Variants in ASAP1 observed in about 807,000 individuals in gnomAD.
ASAP1 encodes arf-GAP with SH3 domain, ANK repeat and PH domain-containing protein 1.
Under a neutral mutation model 145.2 loss-of-function variants are expected in ASAP1, and 43 were observed. That is an observed-to-expected ratio of 0.30 (90% CI 0.23 to 0.38). The LOEUF (loss-of-function observed/expected upper bound fraction) is 0.38. Among genes scored for constraint, ASAP1 ranks in the 10% least tolerant of loss-of-function variants. The probability of loss-of-function intolerance (pLI) is 1.00; values close to 1 mark genes in which losing one functional copy is unlikely to be tolerated. For synonymous variants in ASAP1, 546 were observed against 515.5 expected, an observed-to-expected ratio of 1.06 and a Z score of -0.80; for missense variants, 1,018 against 1,355.3, an observed-to-expected ratio of 0.75 and a Z score of 3.91.
chr8:130,154,920 T>C (rs2097655019), intron 12 of ASAP1, among the ~76,000 whole-genome samples: 1 of 152,170 alleles, frequency 6.6e-6, no homozygotes, highest in Non-Finnish European at 1.5e-5. Flanking sequence ...TGATTAGAGG[T>C]GGCATCTCTC....
intron 3 of ASAP1, among the ~76,000 whole-genome samples, chr8:130,286,916 A>G (rs1040447052): frequency 6.6e-6 from 1 of 152,200 alleles, no homozygotes; most frequent in East Asian, 1.9e-4. Flanking sequence ...TGCTAATGGT[A>G]TAAGGAAACA....
At position 130,197,575 on chromosome 8, in the gene ASAP1, CTT is replaced by C. The variant is rs1487110396; in HGVS notation, c.406-9394_406-9393del. Among the ~76,000 whole-genome samples, 3 of 152,340 alleles carry C rather than the reference CTT, an allele frequency of 2.0e-5. No homozygotes were observed. The East Asian group carries it at 5.8e-4, about 29-fold the overall frequency. On this transcript the variant is annotated intron_variant, in intron 5 of 29. Coordinates refer to ENST00000518721, the MANE Select transcript of ASAP1 (RefSeq NM_018482.4). ...AACCCTACAAGGTATTACTAAATAA[CTT>C]GGCCAAACACACGCAGTTAGCTGAG...
At chr8:130,271,175 G>T (rs545391650) in intron 3 of ASAP1, among the ~76,000 whole-genome samples, 2 of 152,294 alleles carry the variant, frequency 1.3e-5, no homozygotes, top group African/African-American at 4.8e-5. Flanking sequence ...CAGCAGAGGG[G>T]CTGCTCGCTC....
chr8:130,352,712 G>T (rs1426902824), intron 3 of ASAP1, among the ~76,000 whole-genome samples: 2 of 152,164 alleles, frequency 1.3e-5, no homozygotes, highest in Non-Finnish European at 2.9e-5. Flanking sequence ...ATAAAATGGA[G>T]CCATTGATGA....
At chr8:130,189,688 G>T (rs1815002104) in intron 5 of ASAP1, among the ~76,000 whole-genome samples, 1 of 152,128 alleles carries the variant, frequency 6.6e-6, no homozygotes, top group Non-Finnish European at 1.5e-5. Context: ...GGGATTCCTG[G>T]ATCTTATGGT....
In ASAP1 at chr8:130,128,462, A is replaced by G. The variant is rs550290662; in HGVS notation, c.1218-372T>C. Among the ~76,000 whole-genome samples, 7 of 152,314 alleles carry G rather than the reference A, an allele frequency of 4.6e-5. No homozygotes were observed. In the South Asian group the frequency reaches 1.4e-3, roughly 32 times the overall value. On this transcript the variant is annotated intron_variant, in intron 15 of 29. Transcript: ENST00000518721. ...GAGGACTCAATGAGGGACCCATCCA[A>G]TGCAAGGATGAGAAAGAAATGATGA...
At chr8:130,134,626 C>T (rs932430114) in intron 14 of ASAP1, among the ~76,000 whole-genome samples, 1 of 152,158 alleles carries the variant, frequency 6.6e-6, no homozygotes, top group Non-Finnish European at 1.5e-5. Flanking sequence ...ATGATTCATT[C>T]TGTCGAGGTT....
intron 1 of ASAP1, among the ~76,000 whole-genome samples, chr8:130,403,193 TA>T (rs1828873984): frequency 6.6e-6 from 1 of 152,124 alleles, no homozygotes; most frequent in South Asian, 2.1e-4. Flanking sequence ...TACCATACCT[TA>T]AAAAGATAGC....
At chr8:130,318,549 A>G (rs1177946257) in intron 3 of ASAP1, among the ~76,000 whole-genome samples, 4 of 152,238 alleles carry the variant, frequency 2.6e-5, no homozygotes, top group African/African-American at 4.8e-5. Context: ...CAGGTGAAAC[A>G]GCCTAGCTAA....
chr8:130,169,834 C>T (rs1234872081), intron 9 of ASAP1, among the ~76,000 whole-genome samples: 2 of 152,174 alleles, frequency 1.3e-5, no homozygotes, highest in Non-Finnish European at 2.9e-5. Flanking sequence ...AGCTAGTAAG[C>T]AGCAGAGCTG....
In ASAP1 at chr8:130,205,006, G is replaced by A. The variant is rs532656224; in HGVS notation, c.405+9550C>T. Among the ~76,000 whole-genome samples, 274 of 152,308 alleles carry A rather than the reference G, an allele frequency of 1.8e-3. 1 individual carries two copies. The highest frequency in any genetic ancestry group is 6.4e-3 in the African/African-American group (265 of 41,562). ...AACTTCACCTGCCTTAAGGCTGTGAGGGTGAGACCAGCTCTTTTATCAAAG... is the reference window on the plus strand; with the variant it reads ...AACTTCACCTGCCTTAAGGCTGTGAAGGTGAGACCAGCTCTTTTATCAAAG... On this transcript the variant is annotated intron_variant, in intron 5 of 29. Coordinates refer to ENST00000518721, the MANE Select transcript of ASAP1 (RefSeq NM_018482.4).
chr8:130,237,935 G>A (rs1310314738), intron 3 of ASAP1, among the ~76,000 whole-genome samples: 1 of 152,060 alleles, frequency 6.6e-6, no homozygotes, highest in African/African-American at 2.4e-5. Flanking sequence ...TGGAAGGCAT[G>A]AGCAATAACA....
intron 25 of ASAP1, among the ~76,000 whole-genome samples, chr8:130,087,871 C>T (rs1255342962): frequency 6.6e-6 from 1 of 152,100 alleles, no homozygotes; most frequent in Non-Finnish European, 1.5e-5. Flanking sequence ...GAGAGGAGTA[C>T]ATGACAGCTC....
At chr8:130,193,408 C>CA (rs1815275658) in intron 5 of ASAP1, among the ~76,000 whole-genome samples, 1 of 151,622 alleles carries the variant, frequency 6.6e-6, no homozygotes. Flanking sequence ...AAAAAACCCC[C>CA]AAAAAACTCT....
At chr8:130,342,795 T>C (rs1421875339) in intron 3 of ASAP1, among the ~76,000 whole-genome samples, 1 of 152,074 alleles carries the variant, frequency 6.6e-6, no homozygotes, top group Non-Finnish European at 1.5e-5. Context: ...CTCCTCCTCT[T>C]CTCCTTCCCC....
At chr8:130,237,055 G>T in intron 3 of ASAP1, 61 bp from the exon 4 acceptor site, 2 of 1,297,988 alleles carry the variant, frequency 1.5e-6, no homozygotes, top group Admixed American at 2.4e-5. Context: ...AAAATAATAA[G>T]AAAAATTCAT....
chr8:130,198,491 C>T (rs1019445777), intron 5 of ASAP1, among the ~76,000 whole-genome samples: 7 of 152,142 alleles, frequency 4.6e-5, no homozygotes, highest in Non-Finnish European at 7.3e-5. Context: ...CTCCCTGCCT[C>T]GTCTGCAAGG....
chr8:130,061,499 T>G (rs1481604131), intron 27 of ASAP1, among the ~76,000 whole-genome samples: 3 of 152,216 alleles, frequency 2.0e-5, no homozygotes, highest in Non-Finnish European at 4.4e-5. Flanking sequence ...GTATTTGTCA[T>G]GTTATTAAAA....
At chr8:130,232,051 A>T (rs1271807260) in intron 4 of ASAP1, among the ~76,000 whole-genome samples, 1 of 152,184 alleles carries the variant, frequency 6.6e-6, no homozygotes, top group African/African-American at 2.4e-5. Context: ...TCTCCATAGG[A>T]CTGCTTGAGT....
Sources: allele counts gnomAD v4.1 joint callset (sites outside exome capture counted in the v4.1 genomes callset), GRCh38; gene constraint gnomAD v4.1.1; transcripts MANE v1.5; gene names NCBI Gene and HGNC (gene_info 2026-07-23, HGNC 2026-07-21).